Variants in SLTM observed in about 807,000 individuals in gnomAD.
SLTM encodes the protein SAFB-like transcription modulator.
SLTM carries 43 observed loss-of-function variants against 134.6 expected under a neutral mutation model. The observed-to-expected ratio is 0.32, with a 90% CI of 0.25 to 0.41. The LOEUF (loss-of-function observed/expected upper bound fraction) is 0.41, where lower values mean the gene tolerates loss of function less well. SLTM is among the 10% of genes least tolerant of loss of function. The pLI, the probability that SLTM is intolerant of heterozygous loss-of-function variation, is 1.00. For synonymous variants in SLTM, 424 were observed against 432.3 expected, an observed-to-expected ratio of 0.98 and a Z score of 0.24; for missense variants, 1,055 against 1,288.8, an observed-to-expected ratio of 0.82 and a Z score of 2.78.
chr15:58,901,124 C>A, intron 6 of SLTM, 136 bp downstream of exon 6: 1 of 723,846 alleles, frequency 1.4e-6, no homozygotes, highest in Non-Finnish European at 2.3e-6. Context: ...AATCAAGATG[C>A]TAACTTAATT....
At chr15:58,904,091 CT>C (rs757192213) in intron 5 of SLTM, among the ~76,000 whole-genome samples, 1 of 152,174 alleles carries the variant, frequency 6.6e-6, no homozygotes, top group Non-Finnish European at 1.5e-5. Context: ...CAACCTCTGC[CT>C]CCCAGGCTCA....
intron 2 of SLTM, among the ~76,000 whole-genome samples, chr15:58,930,256 G>A (rs1393462851): frequency 2.0e-5 from 3 of 150,172 alleles, no homozygotes; most frequent in Non-Finnish European, 4.4e-5. Flanking sequence ...TGGGACTACA[G>A]GCACGCGCGC....
chr15:58,929,530 T>C (rs528372150), intron 2 of SLTM, among the ~76,000 whole-genome samples: 8 of 152,228 alleles, frequency 5.3e-5, no homozygotes, highest in Non-Finnish European at 1.2e-4. Context: ...CTGTTCATTA[T>C]TGATATTTTA....
chr15:58,918,672 T>A lies in SLTM; in HGVS notation c.251-1673A>T, dbSNP rs181555120. ...TTGCATTTTGGGGAAAACATAACTT[T>A]TTGGTTTAACTTTTTGGTTTACTAT... On this transcript the variant is annotated intron_variant, in intron 2 of 20. Coordinates refer to ENST00000380516, the MANE Select transcript of SLTM (RefSeq NM_024755.4). 2.0e-5 allele frequency among the ~76,000 whole-genome samples: 3 copies of A among 149,002 alleles called. No individual in the cohort carries two copies. The East Asian group carries it at 5.8e-4, about 29-fold the overall frequency.
At chr15:58,922,564 T>A (rs1191460555) in intron 2 of SLTM, among the ~76,000 whole-genome samples, 5 of 59,336 alleles carry the variant, frequency 8.4e-5, no homozygotes, top group Admixed American at 2.0e-4. Context: ...AATATGTATA[T>A]AATATATATT....
At chr15:58,894,680 C>A in intron 9 of SLTM, 98 bp from the exon 10 acceptor site, 2 of 1,091,508 alleles carry the variant, frequency 1.8e-6, no homozygotes, top group Non-Finnish European at 2.7e-6. Context: ...TATATTAATT[C>A]AGGGTGTATC....
At chr15:58,927,401 C>G (rs188991658) in intron 2 of SLTM, among the ~76,000 whole-genome samples, 2 of 151,978 alleles carry the variant, frequency 1.3e-5, no homozygotes, top group East Asian at 1.9e-4. Context: ...TCCCAAGTAG[C>G]GAGGATTACA....
chr15:58,928,408 CAA>C (rs2037633639), intron 2 of SLTM, among the ~76,000 whole-genome samples: 1 of 152,068 alleles, frequency 6.6e-6, no homozygotes, highest in African/African-American at 2.4e-5. Context: ...AAGTTCATAA[CAA>C]AGAGAGTGTG....
chr15:58,933,296 C>G (rs1595971032), intron 1 of SLTM, 108 bp downstream of exon 1: 1 of 1,284,376 alleles, frequency 7.8e-7, no homozygotes, highest in Non-Finnish European at 1.0e-6. Flanking sequence ...CATGCCGTTC[C>G]GCAGGTCCCA....
intron 2 of SLTM, among the ~76,000 whole-genome samples, chr15:58,930,616 G>C (rs2037806094): frequency 6.6e-6 from 1 of 151,676 alleles, no homozygotes; most frequent in African/African-American, 2.4e-5. Context: ...GGGAGGCTAA[G>C]GTGGGAGGGA....
chr15:58,891,856 C>T (rs2034666781), intron 14 of SLTM, among the ~76,000 whole-genome samples: 1 of 151,958 alleles, frequency 6.6e-6, no homozygotes, highest in South Asian at 2.1e-4. Flanking sequence ...AAAGGCATTG[C>T]AACTTTTTTT....
chr15:58,913,668 T>C lies in SLTM; in HGVS notation c.344A>G (p.His115Arg). ...KDCELENQEA[H>R]EQDGNDELKD... ...TAGTTCATCATTTCCATCTTGCTCA[T>C]GTGCCTCTTGATTCTCCAATTCACA... The change falls in exon 4 of 21, where the codon CAT becomes CGT. Residue 115 changes from histidine (H) to arginine (R), a missense_variant. Physicochemically the swap from His to Arg is conservative, Grantham distance 29. Coordinates refer to ENST00000380516, the MANE Select transcript of SLTM (RefSeq NM_024755.4). The C allele has an allele frequency of 6.2e-7, 1 of 1,613,638 alleles. No homozygotes were observed. The highest frequency in any genetic ancestry group is 8.5e-7 in the Non-Finnish European group (1 of 1,179,848).
rs78141652 is a variant in SLTM at position 58,913,438 on chromosome 15, C to A, written c.513+61G>T. 5,943 of 1,364,844 alleles carry A rather than the reference C, an allele frequency of 4.4e-3. 215 individuals are homozygous for A. The African/African-American group carries it at 0.077, about 18-fold the overall frequency. The allele number at this position is 1,364,844 out of a possible 1,614,324, so 84.5% of individuals were successfully genotyped here. A position where few individuals can be genotyped will look rare whatever the true frequency, so the allele number is the denominator to read the frequency against. On this transcript the variant is annotated intron_variant, in intron 4 of 20. Coordinates refer to ENST00000380516, the MANE Select transcript of SLTM (RefSeq NM_024755.4). ...TTCCAAATTGAACTAGAAAAAAATA[C>A]TTTTTATTATTTAAAACTTAATTTA...
At position 58,894,286 on chromosome 15, in the gene SLTM, T is replaced by A. The variant is rs771452306; in HGVS notation, c.1378-93A>T. ...CTAATGGCAGAAAATTTGGAAACGA[T>A]AGGAAAAATATAAGGAGAGTAAAAA... On this transcript the variant is annotated intron_variant, in intron 10 of 20. Transcript: ENST00000380516. 1.1e-5 allele frequency: 16 copies of A among 1,403,404 alleles called. No individual in the cohort carries two copies. The South Asian group carries it at 2.0e-4, about 18-fold the overall frequency. The allele number at this position is 1,403,404 out of a possible 1,614,324, so 86.9% of individuals were successfully genotyped here. A position where few individuals can be genotyped will look rare whatever the true frequency, so the allele number is the denominator to read the frequency against.
chr15:58,910,925 T>C (rs2036226577), intron 5 of SLTM, among the ~76,000 whole-genome samples: 1 of 151,954 alleles, frequency 6.6e-6, no homozygotes, highest in African/African-American at 2.4e-5. Flanking sequence ...TTTGTATTTT[T>C]AGTAGAGACC....
At chr15:58,891,828 A>G (rs2034664727) in intron 14 of SLTM, among the ~76,000 whole-genome samples, 1 of 152,056 alleles carries the variant, frequency 6.6e-6, no homozygotes, top group African/African-American at 2.4e-5. Flanking sequence ...TTATACATCA[A>G]TTTCATTTCA....
chr15:58,907,189 G>T (rs1480475127), intron 5 of SLTM, among the ~76,000 whole-genome samples: 1 of 152,104 alleles, frequency 6.6e-6, no homozygotes, highest in Non-Finnish European at 1.5e-5. Flanking sequence ...GCTGTGAGAG[G>T]TATACAGATT....
intron 5 of SLTM, among the ~76,000 whole-genome samples, chr15:58,904,612 C>T (rs2035741473): frequency 6.7e-6 from 1 of 149,732 alleles, no homozygotes; most frequent in African/African-American, 2.5e-5. Flanking sequence ...GTGGCACGAT[C>T]TCAGCTCTCT....
intron 19 of SLTM, 72 bp from the exon 20 acceptor site, chr15:58,883,858 G>A: frequency 6.5e-7 from 1 of 1,540,444 alleles, no homozygotes; most frequent in Non-Finnish European, 8.9e-7. Context: ...AGCACTTTGG[G>A]AGGCTGAGGC....
Sources: allele counts gnomAD v4.1 joint callset (sites outside exome capture counted in the v4.1 genomes callset), GRCh38; gene constraint gnomAD v4.1.1; transcripts MANE v1.5; gene names NCBI Gene and HGNC (gene_info 2026-07-23, HGNC 2026-07-21).